Variants in NOD1 observed in about 807,000 individuals in gnomAD.
NOD1 encodes nucleotide binding oligomerization domain containing 1.
In NOD1, 70 loss-of-function variants were observed where a neutral mutation model predicts 81.2. The observed-to-expected ratio is 0.86, with a 90% CI of 0.71 to 1.05. NOD1 has a LOEUF of 1.05. Among genes scored for constraint, NOD1 ranks in the 50% least tolerant of loss-of-function variants. The pLI, the probability that NOD1 is intolerant of heterozygous loss-of-function variation, is 0.00. For missense variants in NOD1, 1,233 were observed against 1,228.0 expected, an observed-to-expected ratio of 1.00 and a Z score of -0.06; for synonymous variants, 508 against 526.9, an observed-to-expected ratio of 0.96 and a Z score of 0.49.
intron 10 of NOD1, among the ~76,000 whole-genome samples, chr7:30,436,340 C>T (rs955158606): frequency 3.3e-5 from 5 of 152,194 alleles, no homozygotes; most frequent in African/African-American, 4.8e-5. Flanking sequence ...GGGCTGGGGT[C>T]GGCACCTCAG....
Position 30,460,051 on chromosome 7 carries a change from G to C in NOD1, c.-351-10C>G, listed in dbSNP as rs1355165138. On this transcript the variant is annotated splice_polypyrimidine_tract_variant and intron_variant, in intron 1 of 13. Transcript: ENST00000222823. ...CCTGACTTACAATCACCTAAATAAA[G>C]CAATATATTATATGACAGCCATCTG... 1.2e-5 allele frequency: 2 copies of C among 168,026 alleles called. No individual in the cohort carries two copies. Among genetic ancestry groups the C allele is most frequent in the Admixed American group, 1.3e-4 (2 of 15,292 alleles). The allele number at this position is 168,026 out of a possible 1,614,324, so 10.4% of individuals were successfully genotyped here.
At chr7:30,463,623 A>G (rs1359364231) in intron 1 of NOD1, 1 of 152,550 alleles carries the variant, frequency 6.6e-6, no homozygotes, top group African/African-American at 2.4e-5. Context: ...TGTCACTTTC[A>G]CCGCAGGCTT....
At chr7:30,430,462 C>T (rs1045849506) in intron 12 of NOD1, among the ~76,000 whole-genome samples, 5 of 152,150 alleles carry the variant, frequency 3.3e-5, no homozygotes, top group African/African-American at 1.2e-4. Context: ...GTAGAATAGG[C>T]TCCTGCTAAA....
chr7:30,460,839 C>T (rs1786979538), intron 1 of NOD1, among the ~76,000 whole-genome samples: 1 of 152,216 alleles, frequency 6.6e-6, no homozygotes, highest in Non-Finnish European at 1.5e-5. Flanking sequence ...CAATTCACCA[C>T]TCCGGGCTCC....
Position 30,436,082 on chromosome 7 carries a change from C to T in NOD1, c.2538-1G>A. On this transcript the variant is annotated splice_acceptor_variant, in intron 10 of 13. Transcript: ENST00000222823. LOFTEE classifies it high-confidence loss of function. ...TGTGGAGATGCCGTTGGACGCAAGA[C>T]TAGGAAGGAACACACTTGGGGTGAA... 1.2e-6 allele frequency: 2 copies of T among 1,612,958 alleles called. No homozygotes were observed. The highest frequency in any genetic ancestry group is 1.7e-6 in the Non-Finnish European group (2 of 1,178,892).
chr7:30,473,651 C>T (rs930825234), intron 1 of NOD1, among the ~76,000 whole-genome samples: 1 of 152,158 alleles, frequency 6.6e-6, no homozygotes, highest in Admixed American at 6.5e-5. Flanking sequence ...CTGCCACTTT[C>T]ACTTCCTAAG....
At chr7:30,446,092 C>A (rs771238463) in intron 9 of NOD1, 49 bp downstream of exon 9, 5 of 1,389,934 alleles carry the variant, frequency 3.6e-6, no homozygotes, top group South Asian at 1.2e-5. Flanking sequence ...GGCCCGCCCC[C>A]CACACACACA....
At position 30,452,547 on chromosome 7, in the gene NOD1, G is replaced by C. The variant is rs143756774; in HGVS notation, c.870C>G (p.His290Gln). 95 of 1,613,224 alleles carry C rather than the reference G, an allele frequency of 5.9e-5. No homozygotes were observed. In the African/African-American group the frequency reaches 1.0e-3, roughly 17 times the overall value. ...GCACGCGGCTCAGGTCCAAGTCCGA[G>C]TGCAGCTCGTCCAGGCCATCGAAGG... ...LFTFDGLDEL[H>Q]SDLDLSRVPD... Residue 290 changes from histidine (H) to glutamine (Q), a missense_variant, in exon 6 of 14, where the codon CAC becomes CAG. His to Gln is a conservative substitution (Grantham distance 24, BLOSUM62 0). Coordinates refer to ENST00000222823, the MANE Select transcript of NOD1 (RefSeq NM_006092.4).
intron 9 of NOD1, among the ~76,000 whole-genome samples, chr7:30,439,718 A>G (rs1562666041): frequency 2.1e-5 from 2 of 95,916 alleles, no homozygotes; most frequent in Non-Finnish European, 4.0e-5. Context: ...TAGGTAAACA[A>G]AGCAGCCGGG....
rs1300973051 is a variant in NOD1, at chr7:30,452,588, G to C, written c.829C>G (p.His277Asp). 2.5e-6 allele frequency: 4 copies of C among 1,613,544 alleles called. No individual in the cohort carries two copies. Among genetic ancestry groups the C allele is most frequent in the East Asian group, 2.2e-5 (1 of 44,884 alleles). Residue 277 changes from histidine to aspartate, a missense_variant, in exon 6 of 14, where the codon CAC (histidine) becomes GAC (aspartate). His to Asp is a moderately conservative substitution (Grantham distance 81, BLOSUM62 -1). Coordinates refer to ENST00000222823, the MANE Select transcript of NOD1 (RefSeq NM_006092.4). ...EVFAFLLRFPHVALFTFDGLD... is the reference protein window; with the variant it reads ...EVFAFLLRFPDVALFTFDGLD... ...CCATCGAAGGTGAAGAGGGCCACGTGGGGGAAGCGCAGCAGGAAGGCAAAC... is the reference window on the plus strand; with the variant it reads ...CCATCGAAGGTGAAGAGGGCCACGTCGGGGAAGCGCAGCAGGAAGGCAAAC...
rs567583560 is a variant in NOD1 at position 30,475,378 on chromosome 7, G to C, written c.-352+3228C>G. Among the ~76,000 whole-genome samples, 23 of 152,294 alleles carry C rather than the reference G, an allele frequency of 1.5e-4. No individual in the cohort carries two copies. The South Asian group carries it at 3.3e-3, about 22-fold the overall frequency. Reference sequence around the variant, plus strand: ...TTAAAATCTTAATCTGCCAAAATCTGGCACTAATCTGGTGCTCACTTTGAA... The same window carrying C: ...TTAAAATCTTAATCTGCCAAAATCTCGCACTAATCTGGTGCTCACTTTGAA... On this transcript the variant is annotated intron_variant, in intron 1 of 13. Transcript: ENST00000222823.
chr7:30,425,966 G>A (rs893545605), intron 13 of NOD1, among the ~76,000 whole-genome samples: 1 of 152,042 alleles, frequency 6.6e-6, no homozygotes, highest in African/African-American at 2.4e-5. Context: ...ACATTTTCCA[G>A]GTCTTGTCTT....
In NOD1 at chr7:30,468,658, C is replaced by T. The variant is rs538907565; in HGVS notation, c.-351-8617G>A. ...CTGCCTACCTCATGTAGGTACCTGC[C>T]TACCTCAGAGGTGATATAACCCAGA... is the stretch of plus-strand genomic sequence containing the variant. On this transcript the variant is annotated intron_variant, in intron 1 of 13. Transcript: ENST00000222823. Among the ~76,000 whole-genome samples, 192 of 152,318 alleles carry T rather than the reference C, an allele frequency of 1.3e-3. 1 individual carries two copies. Among genetic ancestry groups the T allele is most frequent in the African/African-American group, 4.6e-3 (192 of 41,568 alleles).
At chr7:30,462,948 CAAA>C (rs11313806) in intron 1 of NOD1, among the ~76,000 whole-genome samples, 8 of 101,324 alleles carry the variant, frequency 7.9e-5, no homozygotes, top group Admixed American at 1.0e-4. Context: ...GACTCCATCT[CAAA>C]AAAAAAAAAA....
intron 1 of NOD1, among the ~76,000 whole-genome samples, chr7:30,472,062 T>A (rs1049473675): frequency 2.0e-5 from 3 of 152,238 alleles, no homozygotes; most frequent in Non-Finnish European, 4.4e-5. Flanking sequence ...GCTTAAGAAG[T>A]AGAGATTGTT....
chr7:30,450,234 G>A (rs1485693395), intron 6 of NOD1, among the ~76,000 whole-genome samples: 1 of 152,116 alleles, frequency 6.6e-6, no homozygotes, highest in Non-Finnish European at 1.5e-5. Context: ...GGCACTGAGT[G>A]TGAGACTGCC....
rs761223064 is a variant in NOD1 at position 30,447,149 on chromosome 7, C to T, written c.2286-99G>A. ...TATGGTGTCTACTGATTTCCAAAGTCTGGGTTGAAAGGGGAACACACAGGC... is the reference window on the plus strand; with the variant it reads ...TATGGTGTCTACTGATTTCCAAAGTTTGGGTTGAAAGGGGAACACACAGGC... On this transcript the variant is annotated intron_variant, in intron 7 of 13. Coordinates refer to ENST00000222823, the MANE Select transcript of NOD1 (RefSeq NM_006092.4). 2.5e-6 allele frequency: 4 copies of T among 1,597,456 alleles called. No homozygotes were observed. The East Asian group carries it at 9.0e-5, about 36-fold the overall frequency.
chr7:30,452,194 A>G lies in NOD1; in HGVS notation c.1223T>C (p.Phe408Ser), dbSNP rs771002677. The change falls in exon 6 of 14, where the codon TTT becomes TCT. Residue 408 changes from phenylalanine to serine, a missense_variant. Coordinates refer to ENST00000222823, the MANE Select transcript of NOD1 (RefSeq NM_006092.4). ...FRCFQHFRAA[F>S]EGSPQLPDCT... ...GTCGGGCAGCTGTGGTGAGCCTTCAAAGGCAGCACGGAAGTGCTGGAAGCA... is the reference window on the plus strand; with the variant it reads ...GTCGGGCAGCTGTGGTGAGCCTTCAGAGGCAGCACGGAAGTGCTGGAAGCA... The G allele has an allele frequency of 1.4e-5, 22 of 1,613,820 alleles. No individual in the cohort carries two copies. The highest frequency in any genetic ancestry group is 1.8e-5 in the Non-Finnish European group (21 of 1,180,028).
intron 7 of NOD1, 24 bp from the exon 8 acceptor site, chr7:30,447,074 A>G (rs771213832): frequency 3.7e-6 from 6 of 1,613,250 alleles, no homozygotes; most frequent in South Asian, 3.3e-5. Flanking sequence ...CACAGCCATG[A>G]GACTTTCTGG....
Sources: gnomAD v4.1 joint callset for allele counts (sites outside exome capture counted in the v4.1 genomes callset) on GRCh38, gnomAD v4.1.1 for gene constraint, MANE v1.5 for transcripts, NCBI Gene and HGNC (gene_info 2026-07-23, HGNC 2026-07-21) for gene names.